The following DMTF1 variants were observed in gnomAD, a reference collection of about 807,000 sequenced individuals.
DMTF1 encodes the protein cyclin D binding myb like transcription factor 1.
DMTF1 carries 39 observed loss-of-function variants against 91.1 expected under a neutral mutation model. That is an observed-to-expected ratio of 0.43 (90% confidence interval 0.33 to 0.56). The LOEUF (loss-of-function observed/expected upper bound fraction) is 0.56, where lower values mean the gene tolerates loss of function less well. DMTF1 is among the 20% of genes least tolerant of loss of function. The probability of loss-of-function intolerance (pLI) is 0.05; values close to 1 mark genes in which losing one functional copy is unlikely to be tolerated. For missense variants in DMTF1, 750 were observed against 914.5 expected (o/e 0.82, Z 2.32); for synonymous variants, 338 against 309.5 (o/e 1.09, Z -0.97).
chr7:87,161,033 CTTATA>C (rs960692764), intron 1 of DMTF1, among the ~76,000 whole-genome samples: 12 of 152,048 alleles, frequency 7.9e-5, no homozygotes, highest in African/African-American at 2.2e-4. Flanking sequence ...TACCTTATAT[CTTATA>C]TTATTAGTAT....
At position 87,184,465 on chromosome 7, in the gene DMTF1, G is replaced by A. The variant is rs1244753260; in HGVS notation, c.889G>A (p.Gly297Ser). The A allele has an allele frequency of 1.2e-6, 2 of 1,613,890 alleles. No individual in the cohort carries two copies. Among genetic ancestry groups the A allele is most frequent in the Non-Finnish European group, 1.7e-6 (2 of 1,179,970 alleles). The change falls in exon 11 of 18, where the codon GGT becomes AGT. Residue 297 changes from glycine (G) to serine (S), a missense_variant. By Grantham distance (56) the Gly-to-Ser change is moderately conservative. Around this residue, in one of 3 missense-constraint regions of DMTF1, gnomAD observed 190 missense variants for 343.8 expected, o/e 0.55. Transcript: ENST00000331242. ...VVHELTSTEPGDIVTQGVSWA... is the reference protein window; with the variant it reads ...VVHELTSTEPSDIVTQGVSWA... Reference sequence around the variant, plus strand: ...TCATGAGTTGACAAGCACTGAGCCAGGTGACATAGTCACACAGGGTGTGTC... The same window carrying A: ...TCATGAGTTGACAAGCACTGAGCCAAGTGACATAGTCACACAGGGTGTGTC...
intron 1 of DMTF1, among the ~76,000 whole-genome samples, chr7:87,154,696 G>T (rs1790216745): frequency 6.6e-6 from 1 of 152,162 alleles, no homozygotes; most frequent in Non-Finnish European, 1.5e-5. Context: ...AAAACAGCAT[G>T]GTTGGGAAAT....
chr7:87,189,959 G>A (rs1799365346), intron 13 of DMTF1, among the ~76,000 whole-genome samples: 1 of 152,146 alleles, frequency 6.6e-6, no homozygotes, highest in South Asian at 2.1e-4. Flanking sequence ...ATTTCTATTG[G>A]TAAGGGCATT....
At chr7:87,170,508 CCT>C (rs1231201313) in intron 4 of DMTF1, among the ~76,000 whole-genome samples, 12 of 152,184 alleles carry the variant, frequency 7.9e-5, no homozygotes, top group Non-Finnish European at 1.8e-4. Context: ...CCAAGCATGC[CCT>C]GTCTCAGAGC....
chr7:87,175,907 T>C (rs1796158384), intron 7 of DMTF1, among the ~76,000 whole-genome samples: 1 of 152,176 alleles, frequency 6.6e-6, no homozygotes, highest in South Asian at 2.1e-4. Context: ...GCTAGTAGTT[T>C]AGTTGAGTAA....
rs771295078 is a variant in DMTF1, at chr7:87,179,566, A to G, written c.541A>G (p.Thr181Ala). 1.3e-6 allele frequency: 2 copies of G among 1,545,674 alleles called. No homozygotes were observed. Among genetic ancestry groups the G allele is most frequent in the East Asian group, 4.8e-5 (2 of 41,730 alleles). The stretch of plus-strand genomic sequence containing the variant: ...TTAGGCACGCGGAATAAAAGATGCT[A>G]CAGAAATCATCTTTGAGATGTCAAA... ...YLKARGIKDA[T>A]EIIFEMSKDE... The change falls in exon 8 of 18, where the codon ACA becomes GCA. Residue 181 changes from threonine (T) to alanine (A), a missense_variant. Transcript: ENST00000331242.
rs745837221 is a variant in DMTF1 at position 87,194,838 on chromosome 7, TATA to T, written c.2173+14_2173+16del. The T allele has an allele frequency of 6.3e-7, 1 of 1,596,452 alleles. No homozygotes were observed. Among genetic ancestry groups the T allele is most frequent in the East Asian group, 2.2e-5 (1 of 44,632 alleles). On this transcript the variant is annotated intron_variant, in intron 17 of 17. Coordinates refer to ENST00000331242, the MANE Select transcript of DMTF1 (RefSeq NM_001142327.2). The stretch of plus-strand genomic sequence containing the variant: ...TTGACAACACTAACAGGTACTGTAA[TATA>T]ATACTTACTATGTGCCTGATAAATT...
chr7:87,172,262 G>C (rs1469810246), intron 5 of DMTF1, among the ~76,000 whole-genome samples: 1 of 152,102 alleles, frequency 6.6e-6, no homozygotes, highest in Non-Finnish European at 1.5e-5. Flanking sequence ...GCTTTATACA[G>C]GTCCCTCTTG....
chr7:87,184,579 G>C lies in DMTF1; in HGVS notation c.1003G>C (p.Gly335Arg). The C allele has an allele frequency of 6.2e-7, 1 of 1,613,942 alleles. No individual in the cohort carries two copies. The highest frequency in any genetic ancestry group is 1.3e-5 in the African/African-American group (1 of 75,030). Residue 335 changes from glycine (G) to arginine (R), a missense_variant, in exon 11 of 18, where the codon GGG (glycine) becomes CGG (arginine). Coordinates refer to ENST00000331242, the MANE Select transcript of DMTF1 (RefSeq NM_001142327.2). ...WLNYLNWKQS[G>R]GTEWTKEDEI... ...CAACTACCTGAATTGGAAACAGAGT[G>C]GGGGTACTGAATGGACCAAGGAAGA...
At chr7:87,190,283 G>A (rs970856770) in intron 13 of DMTF1, among the ~76,000 whole-genome samples, 4 of 151,750 alleles carry the variant, frequency 2.6e-5, no homozygotes, top group African/African-American at 7.3e-5. Context: ...CCTCACAGCT[G>A]TATGAGGTAG....
chr7:87,159,351 A>T (rs562562425), intron 1 of DMTF1, among the ~76,000 whole-genome samples: 2 of 152,158 alleles, frequency 1.3e-5, no homozygotes, highest in Non-Finnish European at 2.9e-5. Context: ...TTCCTTGCAC[A>T]GCTTTCTAAT....
Position 87,195,501 on chromosome 7 carries a change from T to C in DMTF1, c.*361T>C. 5.3e-6 allele frequency: 1 copy of C among 189,788 alleles called. No homozygotes were observed. Among genetic ancestry groups the C allele is most frequent in the Non-Finnish European group, 1.1e-5 (1 of 91,082 alleles). The allele number at this position is 189,788 out of a possible 1,614,324, so 11.8% of individuals were successfully genotyped here. A position where few individuals can be genotyped will look rare whatever the true frequency, so the allele number is the denominator to read the frequency against. ...TTTCTCTAAAGATCAGACATGGCAC[T>C]GTCTCCTCTCAAGCCTGGTTGTAGT... On this transcript the variant is annotated 3_prime_UTR_variant, in exon 18 of 18. Coordinates refer to ENST00000331242, the MANE Select transcript of DMTF1 (RefSeq NM_001142327.2).
intron 8 of DMTF1, among the ~76,000 whole-genome samples, chr7:87,180,962 T>C (rs1410493527): frequency 6.6e-6 from 1 of 151,612 alleles, no homozygotes; most frequent in Non-Finnish European, 1.5e-5. Context: ...TTCAAGCTAT[T>C]CTCCTGCCTC....
chr7:87,171,143 A>C (rs1226016434), intron 5 of DMTF1, 54 bp downstream of exon 5: 1 of 1,220,072 alleles, frequency 8.2e-7, no homozygotes, highest in African/African-American at 1.5e-5. Flanking sequence ...CACATTGCTT[A>C]GCTAATAAAA....
chr7:87,189,131 A>G (rs962870500), intron 13 of DMTF1, among the ~76,000 whole-genome samples: 21 of 152,118 alleles, frequency 1.4e-4, no homozygotes, highest in African/African-American at 4.6e-4. Flanking sequence ...TGCCCACAGA[A>G]TATTAGTAGT....
At chr7:87,155,385 C>G (rs1790410906) in intron 1 of DMTF1, 1 of 151,990 alleles carries the variant, frequency 6.6e-6, no homozygotes, top group Non-Finnish European at 1.5e-5. Flanking sequence ...TTTCTTACCA[C>G]CATCATATTT....
chr7:87,166,964 A>G (rs915520647), intron 4 of DMTF1, among the ~76,000 whole-genome samples: 36 of 152,194 alleles, frequency 2.4e-4, no homozygotes, highest in Admixed American at 2.0e-4. Flanking sequence ...AAAGATAATA[A>G]AATTGTTTGT....
At chr7:87,157,037 G>A (rs1429730409) in intron 1 of DMTF1, among the ~76,000 whole-genome samples, 4 of 152,084 alleles carry the variant, frequency 2.6e-5, no homozygotes, top group African/African-American at 9.7e-5. Context: ...GTAAAAGATA[G>A]GCATGCTGAT....
At chr7:87,172,655 A>G (rs977419075) in intron 5 of DMTF1, among the ~76,000 whole-genome samples, 1 of 152,286 alleles carries the variant, frequency 6.6e-6, no homozygotes, top group Non-Finnish European at 1.5e-5. Context: ...TAGCCCAGAG[A>G]CTGAATTGGG....
Sources: allele counts gnomAD v4.1 joint callset (sites outside exome capture counted in the v4.1 genomes callset), GRCh38; gene constraint gnomAD v4.1.1; regional missense constraint gnomAD v4.1.1; transcripts MANE v1.5; gene names NCBI Gene and HGNC (gene_info 2026-07-23, HGNC 2026-07-21).